MYOM1: variants seen among roughly 807,000 people sequenced by gnomAD.
MYOM1 encodes the protein myomesin-1.
A neutral mutation model predicts 205.3 loss-of-function variants in MYOM1; 164 were observed. The ratio of observed to expected loss-of-function variants is 0.80; its 90% CI spans 0.70 to 0.91. MYOM1 has a LOEUF of 0.91. MYOM1 is among the 40% of genes least tolerant of loss of function. The probability of loss-of-function intolerance (pLI) is 0.00; values close to 1 mark genes in which losing one functional copy is unlikely to be tolerated. For missense variants in MYOM1, 2,011 were observed against 2,127.3 expected (o/e 0.95, Z 1.08); for synonymous variants, 772 against 789.4 (o/e 0.98, Z 0.37).
rs2079608750 is a variant in MYOM1 at position 3,116,517 on chromosome 18, T to C, written c.3119-2A>G. 6.6e-7 allele frequency: 1 copy of C among 1,516,700 alleles called. No homozygotes were observed. Among genetic ancestry groups the C allele is most frequent in the Non-Finnish European group, 8.9e-7 (1 of 1,128,454 alleles). 94.0% of individuals were successfully genotyped at this position (1,516,700 alleles called of 1,614,324 possible). On this transcript the variant is annotated splice_acceptor_variant, in intron 20 of 37. Coordinates refer to ENST00000356443, the MANE Select transcript of MYOM1 (RefSeq NM_003803.4). LOFTEE classifies it high-confidence loss of function. ...TACACTTGAGACTGTGCGGTGGTCCTGAGAGAGAGAGAAGCCAATGAGTAG... is the reference window on the plus strand; with the variant it reads ...TACACTTGAGACTGTGCGGTGGTCCCGAGAGAGAGAGAAGCCAATGAGTAG...
At chr18:3,165,064 A>G (rs1161504658) in intron 9 of MYOM1, among the ~76,000 whole-genome samples, 1 of 152,192 alleles carries the variant, frequency 6.6e-6, no homozygotes, top group African/African-American at 2.4e-5. Flanking sequence ...TGGAGCTGTT[A>G]AAAAAGTTAT....
At chr18:3,229,000 T>C in the MYOM1 span, among the ~76,000 whole-genome samples, 1 of 152,254 alleles carries the variant, frequency 6.6e-6, no homozygotes, top group African/African-American at 2.4e-5. The surrounding 1 kb of genome is among the most constrained non-coding windows in gnomAD (Gnocchi z 4.5). Context: ...ATGAATGTGT[T>C]GTATTGCTCT....
At chr18:3,094,425 G>A in intron 25 of MYOM1, 119 bp from the exon 26 acceptor site, 3 of 1,064,692 alleles carry the variant, frequency 2.8e-6, no homozygotes, top group Non-Finnish European at 4.0e-6. Context: ...TGTAGCACCT[G>A]CTTCTTGCAA....
At chr18:3,198,551 C>T (rs973930138) in intron 2 of MYOM1, among the ~76,000 whole-genome samples, 4 of 152,042 alleles carry the variant, frequency 2.6e-5, no homozygotes, top group African/African-American at 7.2e-5. Flanking sequence ...TTTGGGAGGC[C>T]GAGGTGGGTG....
intron 20 of MYOM1, 92 bp from the exon 21 acceptor site, chr18:3,116,607 TA>T (rs2079610326): frequency 8.8e-7 from 1 of 1,140,356 alleles, no homozygotes. Flanking sequence ...CAAGCTAATC[TA>T]ACACTGGTGT....
chr18:3,136,021 A>T (rs1482625866), intron 14 of MYOM1, among the ~76,000 whole-genome samples: 3 of 152,206 alleles, frequency 2.0e-5, no homozygotes, highest in Admixed American at 2.0e-4. Context: ...AGATAATTGA[A>T]TCATGGGGGC....
intron 2 of MYOM1, among the ~76,000 whole-genome samples, chr18:3,195,734 G>C (rs571848553): frequency 6.6e-6 from 1 of 151,880 alleles, no homozygotes; most frequent in African/African-American, 2.4e-5. Flanking sequence ...TCATTGCATT[G>C]CTCCTTTTTC....
At chr18:3,114,892 T>C (rs1427445450) in intron 21 of MYOM1, among the ~76,000 whole-genome samples, 1 of 152,134 alleles carries the variant, frequency 6.6e-6, no homozygotes, top group Non-Finnish European at 1.5e-5. Context: ...AAATTCCCGT[T>C]ATTCTTTTTC....
intron 2 of MYOM1, among the ~76,000 whole-genome samples, chr18:3,214,106 G>C (rs1163647528): frequency 6.6e-6 from 1 of 152,162 alleles, no homozygotes; most frequent in African/African-American, 2.4e-5. Context: ...AAATGGTCGA[G>C]CTAAAGAAAT....
At chr18:3,124,551 G>T (rs1303208953) in intron 19 of MYOM1, among the ~76,000 whole-genome samples, 1 of 151,224 alleles carries the variant, frequency 6.6e-6, no homozygotes, top group East Asian at 2.0e-4. Context: ...GGATAGTCTC[G>T]ATCTCCTGAC....
chr18:3,144,749 A>C (rs1241358515), intron 13 of MYOM1, among the ~76,000 whole-genome samples: 1 of 152,214 alleles, frequency 6.6e-6, no homozygotes, highest in Non-Finnish European at 1.5e-5. Context: ...TGTTATAACA[A>C]TAAAGTGGTC....
rs577723139 is a variant in MYOM1, at chr18:3,137,076, G to A, written c.2026-1346C>T. Among the ~76,000 whole-genome samples, 12 of 151,102 alleles carry A rather than the reference G, an allele frequency of 7.9e-5. No homozygotes were observed. The South Asian group carries it at 1.0e-3, about 13-fold the overall frequency. On this transcript the variant is annotated intron_variant, in intron 14 of 37. Transcript: ENST00000356443. The stretch of plus-strand genomic sequence containing the variant: ...CGCCATTCTCCTGCCTCAGCCTCCC[G>A]AGTAGCTGGGACTACAGGCGCCCCC...
the MYOM1 span, among the ~76,000 whole-genome samples, chr18:3,240,676 C>A: frequency 6.6e-6 from 1 of 152,078 alleles, no homozygotes; most frequent in African/African-American, 2.4e-5. Context: ...TGAAAAGATA[C>A]CCAAAAATGT....
At chr18:3,196,911 G>A (rs2080996505) in intron 2 of MYOM1, among the ~76,000 whole-genome samples, 1 of 152,132 alleles carries the variant, frequency 6.6e-6, no homozygotes, top group African/African-American at 2.4e-5. Flanking sequence ...CTTCGTAACA[G>A]GAAAAGCAAG....
In MYOM1 at chr18:3,209,200, G is replaced by C. The variant is rs2081162903; in HGVS notation, c.290+5734C>G. Among the ~76,000 whole-genome samples, 1 of 152,194 alleles carries C rather than the reference G, an allele frequency of 6.6e-6. No individual in the cohort carries two copies. Among genetic ancestry groups the C allele is most frequent in the Non-Finnish European group, 1.5e-5 (1 of 68,034 alleles). Reference sequence around the variant, plus strand: ...ATACCACCTAAAGAGAGTCTCAGAAGATTCATTGTATGCGCAAAATCTCCA... The same window carrying C: ...ATACCACCTAAAGAGAGTCTCAGAACATTCATTGTATGCGCAAAATCTCCA... On this transcript the variant is annotated intron_variant, in intron 2 of 37. Transcript: ENST00000356443. This position sits in a 1 kb window ranked among gnomAD's most constrained non-coding sequence, Gnocchi z 4.0.
At chr18:3,196,334 G>A (rs965606554) in intron 2 of MYOM1, among the ~76,000 whole-genome samples, 4 of 152,092 alleles carry the variant, frequency 2.6e-5, no homozygotes, top group Admixed American at 2.0e-4. Flanking sequence ...GAGTTACATC[G>A]AATATGTAGA....
chr18:3,179,748 G>T lies in MYOM1; in HGVS notation c.930-3614C>A, dbSNP rs891067494. Among the ~76,000 whole-genome samples the T allele has an allele frequency of 2.6e-5, 4 of 152,210 alleles. No homozygotes were observed. The highest frequency in any genetic ancestry group is 9.6e-5 in the African/African-American group (4 of 41,464). ...AATCTCCCGCATTCCCCGTTTAGATGAAGTACAGGGTAGAACATGTTAATT... is the reference window on the plus strand; with the variant it reads ...AATCTCCCGCATTCCCCGTTTAGATTAAGTACAGGGTAGAACATGTTAATT... On this transcript the variant is annotated intron_variant, in intron 5 of 37. Coordinates refer to ENST00000356443, the MANE Select transcript of MYOM1 (RefSeq NM_003803.4). The surrounding 1 kb of genome is among the most constrained non-coding windows in gnomAD (Gnocchi z 4.4).
intron 13 of MYOM1, among the ~76,000 whole-genome samples, chr18:3,145,967 A>G (rs1230428842): frequency 6.6e-6 from 1 of 152,106 alleles, no homozygotes; most frequent in Admixed American, 6.5e-5. Context: ...TTAAAAGGAT[A>G]ATAAGAAAAT....
intron 1 of MYOM1, among the ~76,000 whole-genome samples, chr18:3,217,347 G>T (rs963135448): frequency 7.2e-5 from 11 of 152,218 alleles, no homozygotes; most frequent in Non-Finnish European, 8.8e-5. Flanking sequence ...ATTAGGATGT[G>T]AAAGAAAGAG....
Sources: gnomAD v4.1 joint callset for allele counts (sites outside exome capture counted in the v4.1 genomes callset) on GRCh38, gnomAD v4.1.1 for gene constraint, Gnocchi (gnomAD v3.1) non-coding constraint, MANE v1.5 for transcripts, NCBI Gene and HGNC (gene_info 2026-07-23, HGNC 2026-07-21) for gene names.